BFSP1: variants seen among roughly 807,000 people sequenced by gnomAD.
BFSP1 encodes the protein filensin.
A neutral mutation model predicts 43.9 loss-of-function variants in BFSP1; 38 were observed. That is an observed-to-expected ratio of 0.87 (90% CI 0.67 to 1.14). The LOEUF (loss-of-function observed/expected upper bound fraction) is 1.14. BFSP1 is among the 50% of genes most tolerant of loss of function. BFSP1 has a pLI of 0.00. For synonymous variants in BFSP1, 352 were observed against 354.8 expected, an observed-to-expected ratio of 0.99 and a Z score of 0.09; for missense variants, 850 against 875.1, an observed-to-expected ratio of 0.97 and a Z score of 0.36.
chr20:17,518,565 T>A (rs898521326), intron 2 of BFSP1, among the ~76,000 whole-genome samples: 3 of 152,124 alleles, frequency 2.0e-5, no homozygotes, highest in Non-Finnish European at 4.4e-5. Context: ...CCCTTGGAGA[T>A]CCTGGTGTCT....
intron 3 of BFSP1, among the ~76,000 whole-genome samples, chr20:17,514,284 G>C (rs1470904888): frequency 6.6e-6 from 1 of 152,230 alleles, no homozygotes; most frequent in African/African-American, 2.4e-5. Flanking sequence ...AGGCCTGTGA[G>C]GAACTGTTGG....
At chr20:17,527,487 G>A (rs1296026564) in intron 1 of BFSP1, among the ~76,000 whole-genome samples, 1 of 152,190 alleles carries the variant, frequency 6.6e-6, no homozygotes, top group Admixed American at 6.5e-5. Flanking sequence ...CAGCACTTTA[G>A]GAGGCCGAGG....
chr20:17,494,877 G>C lies in BFSP1; in HGVS notation c.1195C>G (p.Leu399Val). 3.7e-6 allele frequency: 6 copies of C among 1,614,162 alleles called. No individual in the cohort carries two copies. Among genetic ancestry groups the C allele is most frequent in the Non-Finnish European group, 5.1e-6 (6 of 1,180,030 alleles). ...TCCTCTTTAAGTACCACCTGTACCAGCTTTGTGTCTTCCAAACCTTTTAAT... is the reference window on the plus strand; with the variant it reads ...TCCTCTTTAAGTACCACCTGTACCACCTTTGTGTCTTCCAAACCTTTTAAT... ...APLKGLEDTK[L>V]VQVVLKEESE... Residue 399 changes from leucine to valine, a missense_variant, in exon 8 of 8, where the codon CTG becomes GTG. Leu to Val is a conservative substitution (Grantham distance 32, BLOSUM62 1). Coordinates refer to ENST00000377873, the MANE Select transcript of BFSP1 (RefSeq NM_001195.5).
intron 5 of BFSP1, among the ~76,000 whole-genome samples, chr20:17,503,463 GC>G (rs1168479713): frequency 6.6e-6 from 1 of 152,208 alleles, no homozygotes; most frequent in African/African-American, 2.4e-5. Context: ...GGGTTCCCCA[GC>G]CCAGAGCGGG....
At chr20:17,529,845 T>C (rs1269487007) in intron 1 of BFSP1, among the ~76,000 whole-genome samples, 1 of 152,182 alleles carries the variant, frequency 6.6e-6, no homozygotes, top group Non-Finnish European at 1.5e-5. Flanking sequence ...GGTGGAGGCA[T>C]GCCATTGCAC....
intron 5 of BFSP1, 77 bp from the exon 6 acceptor site, chr20:17,499,117 C>T: frequency 4.6e-6 from 6 of 1,303,988 alleles, no homozygotes; most frequent in Non-Finnish European, 6.6e-6. Context: ...GAAAAGGAAC[C>T]TGGACTCGGT....
At chr20:17,510,471 A>G (rs2034050832) in intron 4 of BFSP1, among the ~76,000 whole-genome samples, 1 of 152,190 alleles carries the variant, frequency 6.6e-6, no homozygotes, top group South Asian at 2.1e-4. Flanking sequence ...TAGCAACATC[A>G]GTTACATCCA....
chr20:17,494,029 C>A lies in BFSP1; in HGVS notation c.*45G>T. ...GCTCTAAAATATCAAAGCATTACCCCTACAGTGGCCCCAAATACATTTTAT... is the reference window on the plus strand; with the variant it reads ...GCTCTAAAATATCAAAGCATTACCCATACAGTGGCCCCAAATACATTTTAT... On this transcript the variant is annotated 3_prime_UTR_variant, in exon 8 of 8. Transcript: ENST00000377873. 1 of 1,513,554 alleles carries A rather than the reference C, an allele frequency of 6.6e-7. No homozygotes were observed. The allele number at this position is 1,513,554 out of a possible 1,614,324, so 93.8% of individuals were successfully genotyped here. A position where few individuals can be genotyped will look rare whatever the true frequency, so the allele number is the denominator to read the frequency against.
At chr20:17,554,233 A>T (rs1166878181) in intron 1 of BFSP1, among the ~76,000 whole-genome samples, 1 of 152,152 alleles carries the variant, frequency 6.6e-6, no homozygotes, top group Non-Finnish European at 1.5e-5. Context: ...TCAAAGCTTT[A>T]AGGTACAGGT....
At position 17,495,041 on chromosome 20, in the gene BFSP1, C is replaced by T. The variant is rs758393249; in HGVS notation, c.1043-12G>A. Reference sequence around the variant, plus strand: ...AGCTCTGGTAAGATCTGGAAAAACACACAGGCAGAAATTCAAGTATAATTG... The same window carrying T: ...AGCTCTGGTAAGATCTGGAAAAACATACAGGCAGAAATTCAAGTATAATTG... On this transcript the variant is annotated splice_polypyrimidine_tract_variant and intron_variant, in intron 7 of 7. Coordinates refer to ENST00000377873, the MANE Select transcript of BFSP1 (RefSeq NM_001195.5). The T allele has an allele frequency of 6.3e-7, 1 of 1,585,128 alleles. No homozygotes were observed. Among genetic ancestry groups the T allele is most frequent in the African/African-American group, 1.4e-5 (1 of 73,312 alleles).
chr20:17,545,477 G>C (rs2034784333), intron 1 of BFSP1, among the ~76,000 whole-genome samples: 1 of 152,192 alleles, frequency 6.6e-6, no homozygotes, highest in Non-Finnish European at 1.5e-5. Context: ...TGAAGGAGGG[G>C]GCCGGGCACG....
chr20:17,562,719 T>C (rs75134361), upstream of BFSP1, among the ~76,000 whole-genome samples: 151 of 152,250 alleles, frequency 9.9e-4, 1 homozygote, highest in Non-Finnish European at 2.0e-3. Flanking sequence ...TAGTGGTATA[T>C]GATTTTTACT....
At chr20:17,533,908 CAG>C (rs1414733862), upstream of BFSP1, among the ~76,000 whole-genome samples, 1 of 152,214 alleles carries the variant, frequency 6.6e-6, no homozygotes, top group Non-Finnish European at 1.5e-5. Context: ...TCTCTGCCCT[CAG>C]GGTGCAGGAG....
intron 5 of BFSP1, among the ~76,000 whole-genome samples, chr20:17,499,964 T>C (rs1230033605): frequency 6.6e-6 from 1 of 152,176 alleles, no homozygotes; most frequent in Non-Finnish European, 1.5e-5. Flanking sequence ...ATAATATGTA[T>C]AATTCAAATA....
intron 2 of BFSP1, among the ~76,000 whole-genome samples, chr20:17,517,781 CAT>C (rs1380372500): frequency 1.3e-5 from 2 of 152,146 alleles, no homozygotes; most frequent in Non-Finnish European, 2.9e-5. Context: ...ATTTTACACT[CAT>C]AACACATCTC....
At chr20:17,517,391 C>T in intron 2 of BFSP1, 1 of 797,676 alleles carries the variant, frequency 1.3e-6, no homozygotes, top group South Asian at 1.5e-5. Flanking sequence ...TTTGCGTTTC[C>T]TCCTGCCTCA....
At chr20:17,512,882 T>C (rs2034119336) in intron 3 of BFSP1, among the ~76,000 whole-genome samples, 1 of 152,186 alleles carries the variant, frequency 6.6e-6, no homozygotes, top group Non-Finnish European at 1.5e-5. Flanking sequence ...TGCAAGTTCT[T>C]CTGTAAAACA....
upstream of BFSP1, among the ~76,000 whole-genome samples, chr20:17,533,533 A>G (rs2034582228): frequency 6.6e-6 from 1 of 152,202 alleles, no homozygotes; most frequent in Non-Finnish European, 1.5e-5. Flanking sequence ...TAAACTAGCA[A>G]TGAAAAAAGC....
chr20:17,564,363 TA>T (rs11087214), intron 1 of BFSP1, among the ~76,000 whole-genome samples: 124,530 of 137,216 alleles, frequency 0.91, 56,528 homozygotes, highest in Middle Eastern at 0.96. Context: ...AGAACCTGGC[TA>T]AAAAAAAAAA....
Sources: allele counts gnomAD v4.1 joint callset (sites outside exome capture counted in the v4.1 genomes callset), GRCh38; gene constraint gnomAD v4.1.1; transcripts MANE v1.5; gene names NCBI Gene and HGNC (gene_info 2026-07-23, HGNC 2026-07-21).